The following YEATS4 variants were observed in gnomAD, a reference collection of about 807,000 sequenced individuals.
YEATS4 encodes the protein YEATS domain containing 4.
In YEATS4, 17 loss-of-function variants were observed where a neutral mutation model predicts 30.1. That is an observed-to-expected ratio of 0.56 (90% confidence interval 0.39 to 0.85). YEATS4 has a LOEUF of 0.85. Ranked by LOEUF, YEATS4 falls within the 40% of genes least tolerant of loss-of-function variation. YEATS4 has a pLI of 0.00. For synonymous variants in YEATS4, 85 were observed against 87.5 expected, an observed-to-expected ratio of 0.97 and a Z score of 0.16; for missense variants, 142 against 268.3, an observed-to-expected ratio of 0.53 and a Z score of 3.29.
the YEATS4 span, among the ~76,000 whole-genome samples, chr12:69,404,176 ATG>A: frequency 6.6e-6 from 1 of 152,102 alleles, no homozygotes; most frequent in Non-Finnish European, 1.5e-5. Flanking sequence ...TACCTCCTAA[ATG>A]ATATATTTGG....
At chr12:69,386,047 T>C (rs1868248360) in intron 6 of YEATS4, among the ~76,000 whole-genome samples, 2 of 152,234 alleles carry the variant, frequency 1.3e-5, no homozygotes, top group Non-Finnish European at 2.9e-5. Flanking sequence ...TTGGATTTGT[T>C]TTCTCGAAAT....
chr12:69,376,366 A>AAAAT (rs1565679063), intron 6 of YEATS4, among the ~76,000 whole-genome samples: 9 of 150,532 alleles, frequency 6.0e-5, no homozygotes, highest in Admixed American at 4.0e-4. Context: ...ACTCTCTCTC[A>AAAAT]GAATAAATAA....
In YEATS4 at chr12:69,362,918, G is replaced by A. The variant is rs1360857306; in HGVS notation, c.171+11G>A. 16 of 1,436,112 alleles carry A rather than the reference G, an allele frequency of 1.1e-5. No homozygotes were observed. The Admixed American group carries it at 2.0e-4, about 18-fold the overall frequency. The allele number at this position is 1,436,112 out of a possible 1,614,324, so 89.0% of individuals were successfully genotyped here. A position where few individuals can be genotyped will look rare whatever the true frequency, so the allele number is the denominator to read the frequency against. Reference sequence around the variant, plus strand: ...CCATATAGAAATGAGGTAGGCACTCGTTTTTTCTGTAACTGTTTTACTTAA... The same window carrying A: ...CCATATAGAAATGAGGTAGGCACTCATTTTTTCTGTAACTGTTTTACTTAA... On this transcript the variant is annotated intron_variant, in intron 2 of 6. Transcript: ENST00000247843.
At chr12:69,426,780 T>C in the YEATS4 span, among the ~76,000 whole-genome samples, 2 of 152,072 alleles carry the variant, frequency 1.3e-5, no homozygotes, top group Admixed American at 1.3e-4. Flanking sequence ...TTGTGAAAAA[T>C]CAATCTGTTC....
the YEATS4 span, among the ~76,000 whole-genome samples, chr12:69,398,198 G>A: frequency 1.3e-5 from 2 of 152,066 alleles, no homozygotes; most frequent in South Asian, 2.1e-4. Context: ...GTTCTAGCCA[G>A]AGCAATTTGG....
the YEATS4 span, among the ~76,000 whole-genome samples, chr12:69,421,587 G>A: frequency 6.6e-6 from 1 of 152,168 alleles, no homozygotes; most frequent in Non-Finnish European, 1.5e-5. Flanking sequence ...CAAGGACAAT[G>A]GAGATGGAGC....
intron 4 of YEATS4, among the ~76,000 whole-genome samples, chr12:69,370,317 T>A (rs1341490866): frequency 6.6e-6 from 1 of 152,190 alleles, no homozygotes; most frequent in Non-Finnish European, 1.5e-5. Context: ...ACTTTTTCAT[T>A]CCCCACAGTA....
intron 1 of YEATS4, among the ~76,000 whole-genome samples, chr12:69,362,282 G>A (rs565682510): frequency 1.2e-4 from 18 of 151,954 alleles, no homozygotes; most frequent in African/African-American, 3.9e-4. Flanking sequence ...TGAAATTGTA[G>A]GTTTTAATTT....
At chr12:69,393,736 GA>G (rs1466459225), downstream of YEATS4, among the ~76,000 whole-genome samples, 5 of 151,962 alleles carry the variant, frequency 3.3e-5, no homozygotes, top group South Asian at 2.1e-4. Flanking sequence ...AAATACAGAT[GA>G]AACAAGATTG....
At chr12:69,385,066 C>A (rs1876217968) in intron 6 of YEATS4, among the ~76,000 whole-genome samples, 1 of 152,072 alleles carries the variant, frequency 6.6e-6, no homozygotes, top group Non-Finnish European at 1.5e-5. Flanking sequence ...GGCTGGGTTG[C>A]AGTGTCATGA....
At chr12:69,425,736 A>G in the YEATS4 span, among the ~76,000 whole-genome samples, 1 of 152,162 alleles carries the variant, frequency 6.6e-6, no homozygotes, top group African/African-American at 2.4e-5. Context: ...AGGAGGTGCA[A>G]AGGAGCCCAC....
intron 4 of YEATS4, 57 bp downstream of exon 4, chr12:69,365,941 G>A (rs1711560136): frequency 1.6e-6 from 2 of 1,262,948 alleles, no homozygotes; most frequent in East Asian, 2.4e-5. Context: ...ATGTGAACAT[G>A]TAATAATACT....
At chr12:69,423,059 T>C in the YEATS4 span, 1 of 152,102 alleles carries the variant, frequency 6.6e-6, no homozygotes, top group South Asian at 2.1e-4. Context: ...CAATTATACT[T>C]TGTTAAAAAA....
At chr12:69,392,101 C>T (rs992100728), downstream of YEATS4, among the ~76,000 whole-genome samples, 2 of 152,014 alleles carry the variant, frequency 1.3e-5, no homozygotes, top group African/African-American at 4.8e-5. Context: ...GAGATTTCTC[C>T]AAGGAAGGTA....
At chr12:69,402,397 A>C in the YEATS4 span, among the ~76,000 whole-genome samples, 1 of 152,186 alleles carries the variant, frequency 6.6e-6, no homozygotes, top group Admixed American at 6.5e-5. Flanking sequence ...GGTTAGACAA[A>C]TATATAGTAT....
intron 6 of YEATS4, among the ~76,000 whole-genome samples, chr12:69,375,146 C>T (rs1422656339): frequency 6.7e-6 from 1 of 150,146 alleles, no homozygotes; most frequent in African/African-American, 2.5e-5. Context: ...ACTTCCCAGA[C>T]GGGGAGGCTG....
In YEATS4 at chr12:69,390,814, G is replaced by A. The variant is rs1043138781; in HGVS notation, c.*498G>A. 1 of 152,168 alleles carries A rather than the reference G, an allele frequency of 6.6e-6. No individual in the cohort carries two copies. Among genetic ancestry groups the A allele is most frequent in the East Asian group, 1.9e-4 (1 of 5,190 alleles). The allele number at this position is 152,168 out of a possible 1,614,324, so 9.4% of individuals were successfully genotyped here. ...AGATCCTATTTCTCCCTCCTGATGT[G>A]TTTCTTCCTCTTTGAAGACTTTCTG... On this transcript the variant is annotated 3_prime_UTR_variant, in exon 7 of 7. Transcript: ENST00000247843.
chr12:69,384,210 ACT>A (rs1184063433), intron 6 of YEATS4, among the ~76,000 whole-genome samples: 9 of 152,122 alleles, frequency 5.9e-5, no homozygotes, highest in Admixed American at 5.2e-4. Context: ...ATTATTGATC[ACT>A]CTCTTCTTTC....
intron 6 of YEATS4, among the ~76,000 whole-genome samples, chr12:69,372,200 T>A (rs575573302): frequency 8.5e-5 from 13 of 152,308 alleles, no homozygotes; most frequent in African/African-American, 3.1e-4. Context: ...TTAAAATGTT[T>A]AATTTTGTGG....
Sources: gnomAD v4.1 joint callset for allele counts (sites outside exome capture counted in the v4.1 genomes callset) on GRCh38, gnomAD v4.1.1 for gene constraint, MANE v1.5 for transcripts, NCBI Gene and HGNC (gene_info 2026-07-23, HGNC 2026-07-21) for gene names.